Variants in SMC5 observed in about 807,000 individuals in gnomAD.
SMC5 encodes structural maintenance of chromosomes protein 5.
Under a neutral mutation model 148.3 loss-of-function variants are expected in SMC5, and 88 were observed. The ratio of observed to expected loss-of-function variants is 0.59; its 90% CI spans 0.50 to 0.71. The LOEUF (loss-of-function observed/expected upper bound fraction) is 0.71, where lower values mean the gene tolerates loss of function less well. Among genes scored for constraint, SMC5 ranks in the 30% least tolerant of loss-of-function variants. The pLI is 0.00. For synonymous variants in SMC5, 421 were observed against 432.8 expected, an observed-to-expected ratio of 0.97 and a Z score of 0.34; for missense variants, 1,142 against 1,298.9, an observed-to-expected ratio of 0.88 and a Z score of 1.86.
Position 70,350,199 on chromosome 9 carries a change from G to C in SMC5, c.2975G>C (p.Ser992Thr). The C allele has an allele frequency of 6.2e-7, 1 of 1,613,610 alleles. No individual in the cohort carries two copies. The highest frequency in any genetic ancestry group is 8.5e-7 in the Non-Finnish European group (1 of 1,179,730). Residue 992 changes from serine to threonine, a missense_variant, in exon 23 of 25, where the codon AGT becomes ACT. Ser to Thr is a moderately conservative substitution (Grantham distance 58). Coordinates refer to ENST00000361138, the MANE Select transcript of SMC5 (RefSeq NM_015110.4). Reference protein sequence around the residue: ...QLHELTPHHQSGGERSVSTML... With the variant: ...QLHELTPHHQTGGERSVSTML... The stretch of plus-strand genomic sequence containing the variant: ...CATGAATTAACTCCTCATCATCAAA[G>C]TGGAGGTGAAAGAAGTGTTTCTACC...
At chr9:70,267,677 GTAA>G (rs2034326749) in intron 2 of SMC5, among the ~76,000 whole-genome samples, 1 of 152,168 alleles carries the variant, frequency 6.6e-6, no homozygotes, top group Admixed American at 6.5e-5. Flanking sequence ...CACGAGGTTG[GTAA>G]GAGGCTATGG....
intron 3 of SMC5, among the ~76,000 whole-genome samples, chr9:70,275,190 G>A (rs961706622): frequency 4.6e-5 from 7 of 152,006 alleles, no homozygotes; most frequent in Admixed American, 1.3e-4. Flanking sequence ...CATATTCAGA[G>A]TATAGTATAA....
intron 22 of SMC5, among the ~76,000 whole-genome samples, chr9:70,348,272 A>G (rs1206512057): frequency 1.3e-5 from 2 of 152,134 alleles, no homozygotes; most frequent in African/African-American, 2.4e-5. Context: ...TATACATCTG[A>G]GTAATGGTTA....
chr9:70,305,180 A>T, intron 10 of SMC5, 67 bp from the exon 11 acceptor site: 2 of 690,208 alleles, frequency 2.9e-6, no homozygotes, highest in Non-Finnish European at 5.0e-6. Flanking sequence ...TCCAATTTTA[A>T]TATAAACATG....
intron 17 of SMC5, among the ~76,000 whole-genome samples, chr9:70,340,060 A>G (rs2036478482): frequency 6.6e-6 from 1 of 152,184 alleles, no homozygotes; most frequent in Admixed American, 6.5e-5. Context: ...TATGATATTC[A>G]GTTTAATAAT....
intron 8 of SMC5, among the ~76,000 whole-genome samples, chr9:70,289,910 G>A (rs954794537): frequency 1.3e-5 from 2 of 151,244 alleles, no homozygotes; most frequent in Non-Finnish European, 2.9e-5. Flanking sequence ...TTTACTGCCA[G>A]TATTGACATG....
intron 15 of SMC5, 21 bp from the exon 16 acceptor site, chr9:70,323,462 A>G (rs1564059810): frequency 6.4e-7 from 1 of 1,568,526 alleles, no homozygotes; most frequent in Non-Finnish European, 8.6e-7. Context: ...TGATTTCTTC[A>G]TTATTATATG....
At chr9:70,302,638 C>A (rs2035390614) in intron 10 of SMC5, among the ~76,000 whole-genome samples, 1 of 152,110 alleles carries the variant, frequency 6.6e-6, no homozygotes, top group Non-Finnish European at 1.5e-5. Flanking sequence ...CCACTGCACA[C>A]CAGCCTGGGT....
chr9:70,270,642 A>ATT (rs71364589), intron 3 of SMC5, among the ~76,000 whole-genome samples: 13,184 of 103,470 alleles, frequency 0.13, 646 homozygotes, highest in East Asian at 0.2. Flanking sequence ...AGACTAAATA[A>ATT]TTTTTTTTTT....
intron 1 of SMC5, among the ~76,000 whole-genome samples, chr9:70,260,595 C>T (rs2034091990): frequency 6.6e-6 from 1 of 152,072 alleles, no homozygotes; most frequent in Admixed American, 6.5e-5. Context: ...CCCAGTTTTA[C>T]GCAGCTGTTA....
chr9:70,315,791 T>C (rs2035785274), intron 13 of SMC5, among the ~76,000 whole-genome samples: 1 of 152,110 alleles, frequency 6.6e-6, no homozygotes, highest in South Asian at 2.1e-4. Flanking sequence ...TGGAATTAAC[T>C]AGAATAAATA....
chr9:70,313,354 T>C (rs2035709929), intron 11 of SMC5, among the ~76,000 whole-genome samples: 1 of 152,184 alleles, frequency 6.6e-6, no homozygotes. Flanking sequence ...TTCTTGAACG[T>C]GTGTATATAT....
intron 8 of SMC5, among the ~76,000 whole-genome samples, chr9:70,289,537 T>C (rs965444591): frequency 6.6e-6 from 1 of 152,176 alleles, no homozygotes; most frequent in Non-Finnish European, 1.5e-5. Flanking sequence ...TGATGGCAAA[T>C]AAAGGAGTTT....
At chr9:70,276,876 G>A (rs893485987) in intron 3 of SMC5, among the ~76,000 whole-genome samples, 19 of 152,128 alleles carry the variant, frequency 1.2e-4, no homozygotes, top group African/African-American at 4.3e-4. Flanking sequence ...GAAATGCCAC[G>A]AGTCAGTTTT....
In SMC5 at chr9:70,259,164, CG is replaced by C; in HGVS notation, c.87del (p.Ser30AlafsTer33). 1 of 1,611,828 alleles carries C rather than the reference CG, an allele frequency of 6.2e-7. No homozygotes were observed. Among genetic ancestry groups the C allele is most frequent in the East Asian group, 2.2e-5 (1 of 44,786 alleles). ...CCGAGAGACCCTTCGTCGGAGGTCC[CG>C]AGCAAGAGGAAGAATTCGGCCCCGC... ...ALPRDPSSEV[P>X]SKRKNSAPQL... On this transcript the variant is annotated frameshift_variant, in exon 1 of 25. Coordinates refer to ENST00000361138, the MANE Select transcript of SMC5 (RefSeq NM_015110.4). LOFTEE classifies it high-confidence loss of function.
At position 70,318,737 on chromosome 9, in the gene SMC5, A is replaced by T. The variant is rs531293441; in HGVS notation, c.1980+50A>T. On this transcript the variant is annotated intron_variant, in intron 14 of 24. Transcript: ENST00000361138. ...AGAAAAGAATATTAACTGGATTTCTAATAGTTTCACTGGAACAGTTTTTTA... is the reference window on the plus strand; with the variant it reads ...AGAAAAGAATATTAACTGGATTTCTTATAGTTTCACTGGAACAGTTTTTTA... 5 of 1,558,814 alleles carry T rather than the reference A, an allele frequency of 3.2e-6. No homozygotes were observed. The East Asian group carries it at 1.1e-4, about 35-fold the overall frequency.
chr9:70,285,066 C>G (rs1202916656), intron 7 of SMC5, among the ~76,000 whole-genome samples: 1 of 152,086 alleles, frequency 6.6e-6, no homozygotes, highest in Non-Finnish European at 1.5e-5. Context: ...TAATCTTTAT[C>G]TTACATGATT....
At chr9:70,334,087 T>G (rs748144480) in intron 17 of SMC5, among the ~76,000 whole-genome samples, 11 of 151,416 alleles carry the variant, frequency 7.3e-5, no homozygotes, top group South Asian at 2.1e-4. Flanking sequence ...TGGAACAGAA[T>G]AGAGACTCAA....
intron 8 of SMC5, among the ~76,000 whole-genome samples, chr9:70,296,623 A>G (rs1262213786): frequency 6.6e-6 from 1 of 152,096 alleles, no homozygotes. Flanking sequence ...ATAAGTCTCT[A>G]TTTTCAGTAA....
Sources: gnomAD v4.1 joint callset for allele counts (sites outside exome capture counted in the v4.1 genomes callset) on GRCh38, gnomAD v4.1.1 for gene constraint, MANE v1.5 for transcripts, NCBI Gene and HGNC (gene_info 2026-07-23, HGNC 2026-07-21) for gene names.